The following FOXP1 variants were observed in gnomAD, a reference collection of about 807,000 sequenced individuals.
FOXP1 encodes the protein forkhead box protein P1.
Under a neutral mutation model 98.2 loss-of-function variants are expected in FOXP1, and 15 were observed. The ratio of observed to expected loss-of-function variants is 0.15; its 90% CI spans 0.10 to 0.24. The LOEUF (loss-of-function observed/expected upper bound fraction) is 0.24. FOXP1 is among the 10% of genes least tolerant of loss of function. The pLI, the probability that FOXP1 is intolerant of heterozygous loss-of-function variation, is 1.00. For synonymous variants in FOXP1, 371 were observed against 314.5 expected (o/e 1.18, Z -1.90); for missense variants, 633 against 848.5 (o/e 0.75, Z 3.15).
intron 5 of FOXP1, among the ~76,000 whole-genome samples, chr3:71,211,503 G>T (rs1010412747): frequency 6.6e-6 from 1 of 152,048 alleles, no homozygotes; most frequent in Non-Finnish European, 1.5e-5. Flanking sequence ...ACCATGCCGG[G>T]CCCACATTTA....
intron 7 of FOXP1, among the ~76,000 whole-genome samples, chr3:71,097,699 G>T (rs1043921967): frequency 1.7e-4 from 26 of 152,192 alleles, no homozygotes; most frequent in African/African-American, 6.3e-4. Flanking sequence ...TACAGCACAC[G>T]GGCCACTGAC....
At chr3:71,280,984 T>C (rs1489455663) in intron 5 of FOXP1, among the ~76,000 whole-genome samples, 1 of 149,292 alleles carries the variant, frequency 6.7e-6, no homozygotes, top group Non-Finnish European at 1.5e-5. Flanking sequence ...TCTAATTCCT[T>C]GTTAAAAAGG....
chr3:71,341,348 T>C (rs574791901), intron 4 of FOXP1, among the ~76,000 whole-genome samples: 1 of 152,334 alleles, frequency 6.6e-6, no homozygotes, highest in Admixed American at 6.5e-5. Context: ...TACACTCCTA[T>C]ATAACCAACG....
intron 6 of FOXP1, among the ~76,000 whole-genome samples, chr3:71,115,289 G>T (rs908568842): frequency 6.7e-6 from 1 of 149,220 alleles, no homozygotes; most frequent in African/African-American, 2.4e-5. Context: ...CTGGGAGAAT[G>T]GGCACTCAAT....
At chr3:71,208,536 T>TTCTGTGTGTGTGTG (rs10529764) in intron 5 of FOXP1, among the ~76,000 whole-genome samples, 2,385 of 149,420 alleles carry the variant, frequency 0.016, 56 homozygotes, top group African/African-American at 0.044. Flanking sequence ...GCATTTAAGT[T>TTCTGTGTGTGTGTG]TGTGTGTGTG....
At chr3:71,483,279 T>G (rs2090419117) in intron 3 of FOXP1, among the ~76,000 whole-genome samples, 1 of 152,218 alleles carries the variant, frequency 6.6e-6, no homozygotes, top group Non-Finnish European at 1.5e-5. Context: ...TAAATTGTAC[T>G]CTAAATCAAT....
At chr3:71,155,407 A>C (rs2060772118) in intron 6 of FOXP1, among the ~76,000 whole-genome samples, 1 of 152,176 alleles carries the variant, frequency 6.6e-6, no homozygotes, top group East Asian at 1.9e-4. Flanking sequence ...TGTATAATCA[A>C]CATAAAATTG....
intron 20 of FOXP1, among the ~76,000 whole-genome samples, chr3:70,960,706 T>C (rs2033178752): frequency 6.6e-6 from 1 of 152,006 alleles, no homozygotes; most frequent in African/African-American, 2.4e-5. Flanking sequence ...CAAAGGCCCC[T>C]TGAACCATTT....
rs546892823 is a variant in FOXP1 at position 70,964,771 on chromosome 3, G to A, written c.1889+1119C>T. 2.4e-4 allele frequency among the ~76,000 whole-genome samples: 36 copies of A among 152,318 alleles called. No homozygotes were observed. In the East Asian group the frequency reaches 2.9e-3, roughly 12 times the overall value. ...ATTATTTCCATATCCAGAAAGGATA[G>A]TAAAGATCCTTTCTGAAGTGCTGTG... On this transcript the variant is annotated intron_variant, in intron 20 of 20. Transcript: ENST00000649528.
At chr3:71,014,762 C>T (rs924565094) in intron 12 of FOXP1, among the ~76,000 whole-genome samples, 4 of 152,110 alleles carry the variant, frequency 2.6e-5, no homozygotes, top group African/African-American at 4.8e-5. Flanking sequence ...CAATGATAGA[C>T]TGGATTACGA....
At chr3:71,544,192 T>C (rs979118496) in intron 2 of FOXP1, among the ~76,000 whole-genome samples, 1 of 151,758 alleles carries the variant, frequency 6.6e-6, no homozygotes, top group South Asian at 2.1e-4. Context: ...TTAAAAGATA[T>C]AAATAAAAAT....
At chr3:71,558,516 G>T (rs1241283856) in intron 2 of FOXP1, among the ~76,000 whole-genome samples, 2 of 148,454 alleles carry the variant, frequency 1.3e-5, no homozygotes, top group Admixed American at 6.7e-5. Context: ...TTTTTTTTGA[G>T]ATGGAGTCTC....
intron 13 of FOXP1, among the ~76,000 whole-genome samples, chr3:70,993,346 G>A (rs757589564): frequency 1.1e-4 from 16 of 152,156 alleles, no homozygotes; most frequent in Non-Finnish European, 2.1e-4. Context: ...CCCCAAAGCC[G>A]GGTTTTAAAA....
At chr3:71,531,444 C>G (rs2107536656) in intron 2 of FOXP1, among the ~76,000 whole-genome samples, 1 of 152,144 alleles carries the variant, frequency 6.6e-6, no homozygotes, top group African/African-American at 2.4e-5. Context: ...GACCTCAGAG[C>G]ACTATATTGC....
intron 6 of FOXP1, among the ~76,000 whole-genome samples, chr3:71,126,875 A>AC (rs2059234901): frequency 2.4e-5 from 3 of 123,826 alleles, no homozygotes; most frequent in Non-Finnish European, 3.6e-5. Context: ...AACAAACAAA[A>AC]AAAAAAAACA....
chr3:70,966,474 C>G (rs768071755), intron 19 of FOXP1: 13 of 249,394 alleles, frequency 5.2e-5, no homozygotes, highest in Non-Finnish European at 9.6e-5. Flanking sequence ...AGATTTTGAT[C>G]AGATTATCCT....
chr3:71,095,676 G>C (rs543749594), intron 7 of FOXP1, among the ~76,000 whole-genome samples: 22 of 152,124 alleles, frequency 1.4e-4, no homozygotes, highest in African/African-American at 4.8e-4. Context: ...TAGAGACCAG[G>C]TGTGACACTG....
chr3:71,235,882 A>T (rs1439357517), intron 5 of FOXP1, among the ~76,000 whole-genome samples: 1 of 152,196 alleles, frequency 6.6e-6, no homozygotes, highest in Non-Finnish European at 1.5e-5. Context: ...TCTCTCTTTA[A>T]GAAACTATAC....
intron 5 of FOXP1, among the ~76,000 whole-genome samples, chr3:71,217,475 AT>A (rs1010640114): frequency 6.6e-6 from 1 of 151,536 alleles, no homozygotes; most frequent in South Asian, 2.1e-4. Context: ...ATGATTTGTG[AT>A]TTTTTTTGCT....
Sources: gnomAD v4.1 joint callset for allele counts (sites outside exome capture counted in the v4.1 genomes callset) on GRCh38, gnomAD v4.1.1 for gene constraint, MANE v1.5 for transcripts, NCBI Gene and HGNC (gene_info 2026-07-23, HGNC 2026-07-21) for gene names.